Variants in GRAMD2B observed in about 807,000 individuals in gnomAD.
GRAMD2B encodes the protein GRAM domain-containing protein 2B.
In GRAMD2B, 41 loss-of-function variants were observed where a neutral mutation model predicts 59.2. The observed-to-expected ratio is 0.69, with a 90% CI of 0.54 to 0.90. GRAMD2B has a LOEUF of 0.90. GRAMD2B is among the 40% of genes least tolerant of loss of function. The pLI is 0.00. For synonymous variants in GRAMD2B, 161 were observed against 182.7 expected, an observed-to-expected ratio of 0.88 and a Z score of 0.96; for missense variants, 424 against 500.5, an observed-to-expected ratio of 0.85 and a Z score of 1.46.
chr5:126,374,123 A>G (rs1318943777), intron 1 of GRAMD2B, among the ~76,000 whole-genome samples: 1 of 152,232 alleles, frequency 6.6e-6, no homozygotes, highest in African/African-American at 2.4e-5. Flanking sequence ...AATGTTCATC[A>G]TAGATTATGA....
intron 1 of GRAMD2B, among the ~76,000 whole-genome samples, chr5:126,395,069 C>T (rs949585570): frequency 6.6e-5 from 9 of 136,602 alleles, no homozygotes; most frequent in African/African-American, 2.4e-4. Context: ...GGTTGCAGTT[C>T]TTATAACTTA....
chr5:126,379,957 G>A (rs762066713), intron 1 of GRAMD2B, among the ~76,000 whole-genome samples: 2 of 152,102 alleles, frequency 1.3e-5, no homozygotes, highest in Admixed American at 1.3e-4. Context: ...TTGGCTTTTG[G>A]GTTCTTAGTC....
At chr5:126,422,499 C>A (rs2149777992), upstream of GRAMD2B, among the ~76,000 whole-genome samples, 1 of 152,216 alleles carries the variant, frequency 6.6e-6, no homozygotes, top group South Asian at 2.1e-4. Context: ...GTGCCTGGCC[C>A]CTGCACAGAC....
chr5:126,442,923 A>G (rs995550112), intron 1 of GRAMD2B, among the ~76,000 whole-genome samples: 4 of 152,186 alleles, frequency 2.6e-5, no homozygotes, highest in African/African-American at 9.6e-5. Context: ...ATTTTGGATA[A>G]TGTATCTAAC....
chr5:126,393,181 A>G (rs1170264642), intron 1 of GRAMD2B, among the ~76,000 whole-genome samples: 11 of 151,490 alleles, frequency 7.3e-5, no homozygotes, highest in African/African-American at 1.9e-4. Flanking sequence ...CATCCCCTTC[A>G]CTTTCCCCTT....
At chr5:126,373,224 A>T (rs983279917) in intron 1 of GRAMD2B, among the ~76,000 whole-genome samples, 1 of 152,190 alleles carries the variant, frequency 6.6e-6, no homozygotes, top group East Asian at 1.9e-4. Flanking sequence ...TAGTTGAAAG[A>T]TCTATTTAAT....
intron 1 of GRAMD2B, among the ~76,000 whole-genome samples, chr5:126,446,593 G>T (rs1764273702): frequency 6.9e-6 from 1 of 144,574 alleles, no homozygotes; most frequent in Admixed American, 7.1e-5. Flanking sequence ...TGTAGAAAAT[G>T]TTTACATTCC....
chr5:126,448,891 A>G (rs1764827381), intron 1 of GRAMD2B, among the ~76,000 whole-genome samples: 1 of 152,236 alleles, frequency 6.6e-6, no homozygotes, highest in Non-Finnish European at 1.5e-5. Context: ...GCCGGCCTCA[A>G]ACACCTGTCT....
chr5:126,451,591 G>A (rs1765382256), intron 1 of GRAMD2B, among the ~76,000 whole-genome samples: 1 of 152,142 alleles, frequency 6.6e-6, no homozygotes, highest in African/African-American at 2.4e-5. Flanking sequence ...AGTCTCTTAC[G>A]AGACTTAGGA....
chr5:126,462,216 G>C (rs1486443942), intron 1 of GRAMD2B: 1 of 153,662 alleles, frequency 6.5e-6, no homozygotes, highest in East Asian at 1.9e-4. Flanking sequence ...AATAAAAACT[G>C]ATTTCCTTAT....
intron 1 of GRAMD2B, among the ~76,000 whole-genome samples, chr5:126,391,406 T>C (rs1450531575): frequency 7.0e-6 from 1 of 143,426 alleles, no homozygotes; most frequent in East Asian, 2.1e-4. Context: ...CAAATAACAA[T>C]AATGCTTGTA....
chr5:126,403,922 A>G (rs1164859498), intron 1 of GRAMD2B, among the ~76,000 whole-genome samples: 1 of 151,978 alleles, frequency 6.6e-6, no homozygotes, highest in Non-Finnish European at 1.5e-5. Context: ...TTCAAGCATT[A>G]GATGTTGAGC....
intron 1 of GRAMD2B, among the ~76,000 whole-genome samples, chr5:126,416,318 C>G (rs906162487): frequency 6.6e-6 from 1 of 152,130 alleles, no homozygotes; most frequent in African/African-American, 2.4e-5. Flanking sequence ...TGTCATATTT[C>G]TTTTTCGCTT....
At position 126,470,972 on chromosome 5, in the gene GRAMD2B, T is replaced by C. The variant is rs560920848; in HGVS notation, c.315+1184T>C. ...TATTTTAAATCAAGCGTGCAACCAC[T>C]GCTCACTGTAGCCATTGAAAACAAA... On this transcript the variant is annotated intron_variant, in intron 3 of 13. Coordinates refer to ENST00000285689, the MANE Select transcript of GRAMD2B (RefSeq NM_023927.4). Among the ~76,000 whole-genome samples, 7 of 152,362 alleles carry C rather than the reference T, an allele frequency of 4.6e-5. No individual in the cohort carries two copies. In the East Asian group the frequency reaches 1.3e-3, roughly 29 times the overall value.
chr5:126,402,416 C>T (rs966206546), intron 1 of GRAMD2B, among the ~76,000 whole-genome samples: 3 of 152,018 alleles, frequency 2.0e-5, no homozygotes, highest in Admixed American at 1.3e-4. Context: ...TTGGTAAATA[C>T]CACCTTGAAT....
At chr5:126,432,744 A>G (rs770763999) in intron 1 of GRAMD2B, among the ~76,000 whole-genome samples, 3 of 152,174 alleles carry the variant, frequency 2.0e-5, no homozygotes, top group Non-Finnish European at 4.4e-5. Flanking sequence ...TCCATAGTAT[A>G]TAAAGTTGGA....
exon 1 of GRAMD2B, chr5:126,371,560 T>G: frequency 7.8e-7 from 1 of 1,288,556 alleles, no homozygotes; most frequent in Non-Finnish European, 1.0e-6. Context: ...CAGCTCGGTG[T>G]TCCTCAGGTG....
chr5:126,386,759 A>T (rs1371268280), intron 1 of GRAMD2B, among the ~76,000 whole-genome samples: 3 of 152,136 alleles, frequency 2.0e-5, no homozygotes, highest in Non-Finnish European at 2.9e-5. Flanking sequence ...CATTTGTCAG[A>T]TGGGGCTAAT....
chr5:126,425,715 A>G (rs933535990), intron 1 of GRAMD2B, among the ~76,000 whole-genome samples: 1 of 152,180 alleles, frequency 6.6e-6, no homozygotes, highest in African/African-American at 2.4e-5. Flanking sequence ...ACAGTGAGCC[A>G]TGTTCATGCC....
Sources: allele counts gnomAD v4.1 joint callset (sites outside exome capture counted in the v4.1 genomes callset), GRCh38; gene constraint gnomAD v4.1.1; transcripts MANE v1.5; gene names NCBI Gene and HGNC (gene_info 2026-07-23, HGNC 2026-07-21).